The following VPS13D variants were observed in gnomAD, a reference collection of about 807,000 sequenced individuals.
The protein encoded by VPS13D is vacuolar protein sorting 13 homolog D, also known as intermembrane lipid transfer protein VPS13D.
A neutral mutation model predicts 461.9 loss-of-function variants in VPS13D; 187 were observed. That is an observed-to-expected ratio of 0.40 (90% CI 0.36 to 0.46). The LOEUF is 0.46. Ranked by LOEUF, VPS13D falls within the 20% of genes least tolerant of loss-of-function variation. The probability of loss-of-function intolerance (pLI) is 0.60; values close to 1 mark genes in which losing one functional copy is unlikely to be tolerated. For missense variants in VPS13D, 4,711 were observed against 5,364.9 expected, an observed-to-expected ratio of 0.88 and a Z score of 3.81; for synonymous variants, 1,951 against 1,986.3, an observed-to-expected ratio of 0.98 and a Z score of 0.47.
At chr1:12,456,883 A>G (rs1043623095) in intron 66 of VPS13D, among the ~76,000 whole-genome samples, 3 of 152,348 alleles carry the variant, frequency 2.0e-5, no homozygotes, top group South Asian at 2.1e-4. Context: ...TGTAGCTGCT[A>G]CTTCTCTTAG....
rs762230791 is a variant in VPS13D, at chr1:12,354,160, G to A, written c.9618G>A (p.Thr3206=). Residue 3206 remains threonine (T), a synonymous_variant, in exon 47 of 70, where the codon ACG becomes ACA. Transcript: ENST00000620676. ...TTAAAGGAATGCCAATTAATGGGAC[G>A]CTGAAACCTGGCAAGGAGGCAGCTC... ...FYVKGMPING[T]LKPGKEAALH... 4.6e-5 allele frequency: 75 copies of A among 1,614,024 alleles called. No individual in the cohort carries two copies. The highest frequency in any genetic ancestry group is 6.7e-5 in the East Asian group (3 of 44,894).
Position 12,276,478 on chromosome 1 carries a change from A to G in VPS13D, c.2890A>G (p.Met964Val), listed in dbSNP as rs369300065. 11 of 1,614,050 alleles carry G rather than the reference A, an allele frequency of 6.8e-6. No individual in the cohort carries two copies. The highest frequency in any genetic ancestry group is 9.3e-6 in the Non-Finnish European group (11 of 1,180,048). Residue 964 changes from methionine to valine, a missense_variant, in exon 19 of 70, where the codon ATG (methionine) becomes GTG (valine). By Grantham distance (21) the Met-to-Val change is conservative (BLOSUM62 1). This residue lies in a region of VPS13D where 4,411 missense variants were observed against 4,937.8 expected (regional missense o/e 0.89). Coordinates refer to ENST00000620676, the MANE Select transcript of VPS13D (RefSeq NM_015378.4). This position sits in a 1 kb window ranked among gnomAD's most constrained non-coding sequence, Gnocchi z 4.5. ...CCTGGCGGAATTTAAAGTGAACTGT[A>G]TGCAGCTTGGTGTTGAGAGCAATGG... is the stretch of plus-strand genomic sequence containing the variant. ...LLLAEFKVNC[M>V]QLGVESNGRY...
chr1:12,304,120 C>T (rs1164536935), intron 25 of VPS13D, among the ~76,000 whole-genome samples: 1 of 152,114 alleles, frequency 6.6e-6, no homozygotes, highest in South Asian at 2.1e-4. Flanking sequence ...AACAATATGC[C>T]CCTCCCCAAA....
intron 34 of VPS13D, 141 bp from the exon 35 acceptor site, chr1:12,323,565 A>C: frequency 1.4e-6 from 1 of 717,912 alleles, no homozygotes; most frequent in Non-Finnish European, 2.3e-6. Flanking sequence ...AGAATTCTCC[A>C]ATTAGGAGTC....
chr1:12,292,148 A>T (rs1241860614), intron 23 of VPS13D, among the ~76,000 whole-genome samples: 1 of 149,384 alleles, frequency 6.7e-6, no homozygotes, highest in Admixed American at 6.7e-5. Flanking sequence ...AATCCCAGCT[A>T]GTCGGGAGGC....
chr1:12,465,519 C>T (rs371165410), intron 67 of VPS13D, among the ~76,000 whole-genome samples: 2 of 152,066 alleles, frequency 1.3e-5, no homozygotes, highest in South Asian at 2.1e-4. Flanking sequence ...ATCCCGGGAC[C>T]CTCGGATTGT....
intron 63 of VPS13D, among the ~76,000 whole-genome samples, chr1:12,412,006 G>T (rs979467090): frequency 2.0e-5 from 3 of 152,242 alleles, no homozygotes; most frequent in Admixed American, 2.0e-4. Context: ...GGCTAGTGAA[G>T]ATTCAGGTGG....
intron 6 of VPS13D, among the ~76,000 whole-genome samples, chr1:12,250,035 A>G (rs1640684809): frequency 6.6e-6 from 1 of 152,148 alleles, no homozygotes; most frequent in Non-Finnish European, 1.5e-5. Context: ...TCCCCTCCTC[A>G]GGTTTGGTAA....
chr1:12,291,505 T>C (rs1397390834), intron 23 of VPS13D, among the ~76,000 whole-genome samples: 2 of 152,142 alleles, frequency 1.3e-5, no homozygotes, highest in African/African-American at 4.8e-5. Context: ...CAACTGTAGT[T>C]CTAGCTACTT....
chr1:12,311,360 G>A, intron 27 of VPS13D, 94 bp from the exon 28 acceptor site: 1 of 1,177,868 alleles, frequency 8.5e-7, no homozygotes, highest in Non-Finnish European at 1.2e-6. Context: ...GATAATGTAG[G>A]TGAGTACATT....
At chr1:12,267,715 A>G (rs1022539487) in intron 14 of VPS13D, 130 bp from the exon 15 acceptor site, 24 of 812,108 alleles carry the variant, frequency 3.0e-5, no homozygotes, top group African/African-American at 2.3e-4. Flanking sequence ...CAAGTAGTCA[A>G]TCTGAGGTAA....
At chr1:12,506,756 C>T in intron 68 of VPS13D, 97 bp from the exon 69 acceptor site, 2 of 1,477,928 alleles carry the variant, frequency 1.4e-6, no homozygotes, top group South Asian at 2.6e-5. Flanking sequence ...CCGGGATTCG[C>T]ACTCAGGCCC....
chr1:12,485,434 G>A (rs757626335), intron 67 of VPS13D, among the ~76,000 whole-genome samples: 9 of 152,196 alleles, frequency 5.9e-5, no homozygotes, highest in Non-Finnish European at 1.2e-4. Flanking sequence ...CCTTGGCCCT[G>A]CCGTGTCATA....
rs1179045764 is a variant in VPS13D at position 12,327,848 on chromosome 1, T to C, written c.8191T>C (p.Phe2731Leu). 2 of 1,613,396 alleles carry C rather than the reference T, an allele frequency of 1.2e-6. No individual in the cohort carries two copies. The highest frequency in any genetic ancestry group is 2.2e-5 in the East Asian group (1 of 44,864). ...TGATGTTCCTCTCGCTGAACTCACC[T>C]TTTCCCGTGAGTGTTGTACTGGTTT... ...DCDVPLAELT[F>L]SRLNFLQRVR... Residue 2731 changes from phenylalanine (F) to leucine (L), a missense_variant, in exon 36 of 70, where the codon TTT (phenylalanine) becomes CTT (leucine). Phe to Leu is a conservative substitution (Grantham distance 22). Around this residue, in one of 3 missense-constraint regions of VPS13D, gnomAD observed 4,411 missense variants for 4,937.8 expected, o/e 0.89. Coordinates refer to ENST00000620676, the MANE Select transcript of VPS13D (RefSeq NM_015378.4).
chr1:12,506,310 T>A (rs1317237377), intron 68 of VPS13D, among the ~76,000 whole-genome samples: 3 of 152,170 alleles, frequency 2.0e-5, no homozygotes, highest in Non-Finnish European at 4.4e-5. Flanking sequence ...AGATGACAGT[T>A]TTACCTAAGA....
chr1:12,381,738 C>T (rs925120621), intron 57 of VPS13D, among the ~76,000 whole-genome samples: 1 of 152,204 alleles, frequency 6.6e-6, no homozygotes, highest in Non-Finnish European at 1.5e-5. Flanking sequence ...AACTTCTGTA[C>T]ATCACTTCCC....
At chr1:12,328,947 T>A (rs2101548375) in intron 36 of VPS13D, among the ~76,000 whole-genome samples, 2 of 152,316 alleles carry the variant, frequency 1.3e-5, no homozygotes, top group South Asian at 4.1e-4. Flanking sequence ...AAAGTTTGCT[T>A]CTGGGGCTTG....
rs1642270782 is a variant in VPS13D at position 12,296,196 on chromosome 1, T to C, written c.6033+2492T>C. 1.3e-5 allele frequency among the ~76,000 whole-genome samples: 2 copies of C among 152,206 alleles called. 1 individual carries two copies. Among genetic ancestry groups the C allele is most frequent in the African/African-American group, 4.8e-5 (2 of 41,458 alleles). On this transcript the variant is annotated intron_variant, in intron 24 of 69. Coordinates refer to ENST00000620676, the MANE Select transcript of VPS13D (RefSeq NM_015378.4). ...CTGAGATACCTGGCAGTGGAATTACTGAGCCATAGGGTGTGCGCACATTTC... is the reference window on the plus strand; with the variant it reads ...CTGAGATACCTGGCAGTGGAATTACCGAGCCATAGGGTGTGCGCACATTTC...
chr1:12,320,111 C>T (rs1642995247), intron 32 of VPS13D, among the ~76,000 whole-genome samples: 1 of 152,174 alleles, frequency 6.6e-6, no homozygotes, highest in Admixed American at 6.5e-5. Context: ...ATACCTGATC[C>T]ATAAAAGGGC....
Sources: gnomAD v4.1 joint callset for allele counts (sites outside exome capture counted in the v4.1 genomes callset) on GRCh38, gnomAD v4.1.1 for gene constraint, gnomAD v4.1.1 regional missense constraint, Gnocchi (gnomAD v3.1) non-coding constraint, MANE v1.5 for transcripts, NCBI Gene and HGNC (gene_info 2026-07-23, HGNC 2026-07-21) for gene names.